PCDH7: variants seen among roughly 807,000 people sequenced by gnomAD.
PCDH7 encodes protocadherin 7.
In PCDH7, 17 loss-of-function variants were observed where a neutral mutation model predicts 58.9. That is an observed-to-expected ratio of 0.29 (90% CI 0.20 to 0.43). The LOEUF (loss-of-function observed/expected upper bound fraction) is 0.43, where lower values mean the gene tolerates loss of function less well. Ranked by LOEUF, PCDH7 falls within the 20% of genes least tolerant of loss-of-function variation. The pLI is 1.00. For missense variants in PCDH7, 1,274 were observed against 1,441.0 expected (o/e 0.88, Z 1.88); for synonymous variants, 664 against 616.4 (o/e 1.08, Z -1.14).
intron 1 of PCDH7, chr4:30,786,883 C>A: frequency 3.0e-6 from 1 of 331,448 alleles, no homozygotes; most frequent in Non-Finnish European, 4.3e-6. Flanking sequence ...AATCGATTCC[C>A]AAGGGGCAGG....
At chr4:31,016,192 T>C (rs528341613) in intron 3 of PCDH7, among the ~76,000 whole-genome samples, 48 of 152,310 alleles carry the variant, frequency 3.2e-4, no homozygotes, top group African/African-American at 1.1e-3. Context: ...CTTTCTACTT[T>C]TTCATTCACA....
At chr4:30,837,329 A>G (rs1311217429) in intron 1 of PCDH7, among the ~76,000 whole-genome samples, 1 of 152,110 alleles carries the variant, frequency 6.6e-6, no homozygotes, top group African/African-American at 2.4e-5. Flanking sequence ...ATTGGACACT[A>G]CTAAGAGGAG....
intron 3 of PCDH7, among the ~76,000 whole-genome samples, chr4:31,136,341 C>T (rs1250431843): frequency 6.6e-6 from 1 of 152,148 alleles, no homozygotes; most frequent in East Asian, 1.9e-4. Flanking sequence ...GAACTTGAAG[C>T]TCAGAAAAAT....
intron 1 of PCDH7, among the ~76,000 whole-genome samples, chr4:30,825,484 A>G (rs1245952515): frequency 1.3e-5 from 2 of 152,152 alleles, no homozygotes; most frequent in African/African-American, 4.8e-5. Context: ...TTAAGGAACT[A>G]CTTCATCAAA....
intron 1 of PCDH7, among the ~76,000 whole-genome samples, chr4:30,867,929 A>G (rs1735081276): frequency 6.6e-6 from 1 of 152,052 alleles, no homozygotes; most frequent in Non-Finnish European, 1.5e-5. Flanking sequence ...ATTAAAATGT[A>G]GGTCTGTCAA....
chr4:30,996,824 C>T (rs970752228), intron 3 of PCDH7, among the ~76,000 whole-genome samples: 9 of 152,134 alleles, frequency 5.9e-5, no homozygotes, highest in African/African-American at 2.2e-4. Context: ...ACAAAAAAGA[C>T]TCAAATACTT....
At chr4:31,069,005 A>G (rs79056917) in intron 3 of PCDH7, among the ~76,000 whole-genome samples, 214 of 152,038 alleles carry the variant, frequency 1.4e-3, no homozygotes, top group African/African-American at 5.0e-3. Context: ...GTAACAGAAA[A>G]GATGACTTTG....
intron 2 of PCDH7, chr4:30,935,196 T>A (rs1245808164): frequency 5.0e-6 from 1 of 200,462 alleles, no homozygotes; most frequent in Non-Finnish European, 8.9e-6. Context: ...ATTGAGTTAT[T>A]TATAGATACC....
intron 3 of PCDH7, among the ~76,000 whole-genome samples, chr4:31,105,843 T>C (rs1042524001): frequency 6.6e-6 from 1 of 151,712 alleles, no homozygotes; most frequent in South Asian, 2.1e-4. Context: ...CCGTCTTTAC[T>C]AAAAATACAA....
intron 3 of PCDH7, among the ~76,000 whole-genome samples, chr4:31,000,009 T>C (rs142809777): frequency 8.7e-4 from 133 of 152,266 alleles, no homozygotes; most frequent in African/African-American, 3.1e-3. Context: ...TAATCTCAAT[T>C]TTAGTTTTAT....
chr4:31,130,897 T>A (rs2109336183), intron 3 of PCDH7, among the ~76,000 whole-genome samples: 1 of 152,282 alleles, frequency 6.6e-6, no homozygotes, highest in Non-Finnish European at 1.5e-5. Context: ...ATGTTAAGGT[T>A]AGTTTATTAG....
At chr4:30,857,012 A>G (rs899591897) in intron 1 of PCDH7, among the ~76,000 whole-genome samples, 10 of 152,046 alleles carry the variant, frequency 6.6e-5, no homozygotes, top group African/African-American at 2.4e-4. Flanking sequence ...TGGTGACTCA[A>G]CGTGGAGGTT....
rs138730158 is a variant in PCDH7 at position 30,804,226 on chromosome 4, C to T, written c.70+79630C>T. Among the ~76,000 whole-genome samples, 500 of 152,250 alleles carry T rather than the reference C, an allele frequency of 3.3e-3. 3 individuals are homozygous for T. The highest frequency in any genetic ancestry group is 0.011 in the African/African-American group (474 of 41,546). On this transcript the variant is annotated intron_variant, in intron 1 of 3. Transcript: ENST00000509759. ...GAAGACATTTACCCACTTGAACATA[C>T]TGTAGGCTAAATGCATATTAAGATT...
At chr4:30,927,853 T>TG (rs1553915299) in intron 2 of PCDH7, among the ~76,000 whole-genome samples, 1 of 151,700 alleles carries the variant, frequency 6.6e-6, no homozygotes. Flanking sequence ...GAATGATCAA[T>TG]AAAAAAAACC....
intron 3 of PCDH7, among the ~76,000 whole-genome samples, chr4:31,008,547 A>G (rs1303475994): frequency 2.0e-5 from 3 of 152,174 alleles, no homozygotes; most frequent in Non-Finnish European, 4.4e-5. Flanking sequence ...CAAAAATTTT[A>G]AATGAATATT....
chr4:30,734,008 C>A (rs1265513922), downstream of PCDH7, among the ~76,000 whole-genome samples: 1 of 151,910 alleles, frequency 6.6e-6, no homozygotes, highest in Non-Finnish European at 1.5e-5. Flanking sequence ...GATTAAAAAA[C>A]AAAACCCTCA....
intron 3 of PCDH7, among the ~76,000 whole-genome samples, chr4:31,056,460 A>AGGAAG (rs779490197): frequency 3.0e-5 from 2 of 65,884 alleles, no homozygotes; most frequent in Non-Finnish European, 3.0e-5. Context: ...GAAAGAAAGA[A>AGGAAG]GAAAGAAAGA....
chr4:30,870,420 C>T (rs999532402), intron 1 of PCDH7, among the ~76,000 whole-genome samples: 1 of 151,670 alleles, frequency 6.6e-6, no homozygotes, highest in Non-Finnish European at 1.5e-5. Flanking sequence ...GCTTTTAGGT[C>T]TTATGTAAGT....
At chr4:31,090,762 T>C (rs761536540) in intron 3 of PCDH7, among the ~76,000 whole-genome samples, 30 of 152,098 alleles carry the variant, frequency 2.0e-4, no homozygotes, top group Non-Finnish European at 4.3e-4. Context: ...AGAAGCATAG[T>C]ATTTTTTAAA....
Sources: allele counts gnomAD v4.1 joint callset (sites outside exome capture counted in the v4.1 genomes callset), GRCh38; gene constraint gnomAD v4.1.1; transcripts MANE v1.5; gene names NCBI Gene and HGNC (gene_info 2026-07-23, HGNC 2026-07-21).